Variants in NAV3 observed in about 807,000 individuals in gnomAD.
NAV3 encodes neuron navigator 3, also known as pore membrane and/or filament interacting like protein 1.
In NAV3, 87 loss-of-function variants were observed where a neutral mutation model predicts 244.7. The ratio of observed to expected loss-of-function variants is 0.36; its 90% CI spans 0.30 to 0.42. The LOEUF (loss-of-function observed/expected upper bound fraction) is 0.42, where lower values mean the gene tolerates loss of function less well. Among genes scored for constraint, NAV3 ranks in the 20% least tolerant of loss-of-function variants. NAV3 has a pLI of 1.00. For synonymous variants in NAV3, 1,126 were observed against 1,042.2 expected, an observed-to-expected ratio of 1.08 and a Z score of -1.55; for missense variants, 2,663 against 2,893.3, an observed-to-expected ratio of 0.92 and a Z score of 1.83.
intron 2 of NAV3, among the ~76,000 whole-genome samples, chr12:77,629,751 A>T (rs1459694797): frequency 6.6e-6 from 1 of 152,194 alleles, no homozygotes; most frequent in Non-Finnish European, 1.5e-5. Flanking sequence ...TACATTAGTT[A>T]AAAACTCTCC....
intron 2 of NAV3, among the ~76,000 whole-genome samples, chr12:77,621,461 C>T (rs1308485868): frequency 1.3e-5 from 2 of 149,524 alleles, no homozygotes; most frequent in African/African-American, 2.5e-5. Context: ...AACTCTACCT[C>T]TTTTTTTTCT....
chr12:77,933,078 A>G (rs1888968566), intron 1 of NAV3, among the ~76,000 whole-genome samples: 1 of 152,180 alleles, frequency 6.6e-6, no homozygotes, highest in African/African-American at 2.4e-5. Flanking sequence ...TATTTAAACT[A>G]ATTTTCTCTT....
intron 5 of NAV3, among the ~76,000 whole-genome samples, chr12:77,993,677 A>T (rs1482770558): frequency 1.4e-5 from 2 of 148,140 alleles, no homozygotes; most frequent in Admixed American, 6.8e-5. Context: ...TAGTAAACAC[A>T]TCATCATCCT....
At chr12:77,915,927 A>T (rs1887098871) in intron 1 of NAV3, among the ~76,000 whole-genome samples, 1 of 152,060 alleles carries the variant, frequency 6.6e-6, no homozygotes, top group Non-Finnish European at 1.5e-5. Flanking sequence ...TTCCAATGAG[A>T]TGAGTGAAAG....
At chr12:77,595,282 T>G (rs1870116917) in intron 2 of NAV3, among the ~76,000 whole-genome samples, 1 of 152,074 alleles carries the variant, frequency 6.6e-6, no homozygotes, top group African/African-American at 2.4e-5. Context: ...CTAAGTGCAA[T>G]AAGCCAAACA....
At chr12:77,698,712 A>C in intron 2 of NAV3, among the ~76,000 whole-genome samples, 1 of 152,190 alleles carries the variant, frequency 6.6e-6, no homozygotes, top group East Asian at 1.9e-4. Flanking sequence ...ATTACTATTT[A>C]ATGGATGAGA....
At chr12:77,615,456 G>A (rs1448837922) in intron 2 of NAV3, among the ~76,000 whole-genome samples, 1 of 152,088 alleles carries the variant, frequency 6.6e-6, no homozygotes, top group African/African-American at 2.4e-5. Context: ...ACTTACAAGT[G>A]TAGGCATGCA....
chr12:77,619,811 C>T (rs1341639122), intron 2 of NAV3, among the ~76,000 whole-genome samples: 1 of 151,502 alleles, frequency 6.6e-6, no homozygotes, highest in East Asian at 1.9e-4. Flanking sequence ...CTCAAAATGA[C>T]TTTGGAGTGA....
intron 6 of NAV3, among the ~76,000 whole-genome samples, chr12:77,997,734 A>T (rs1245665931): frequency 6.6e-6 from 1 of 152,212 alleles, no homozygotes; most frequent in African/African-American, 2.4e-5. Flanking sequence ...AAAATGAAAA[A>T]GGTTTTTTGT....
chr12:78,165,552 A>G (rs1476050447), intron 23 of NAV3, among the ~76,000 whole-genome samples: 2 of 151,890 alleles, frequency 1.3e-5, no homozygotes, highest in Admixed American at 6.6e-5. Flanking sequence ...TTGGGAATTC[A>G]TTTCTAATCA....
chr12:77,698,210 C>T (rs958068269), intron 2 of NAV3, among the ~76,000 whole-genome samples: 1 of 152,124 alleles, frequency 6.6e-6, no homozygotes, highest in Non-Finnish European at 1.5e-5. Context: ...CCATCTCATC[C>T]TGTTCCATTC....
intron 8 of NAV3, among the ~76,000 whole-genome samples, chr12:78,010,275 C>T (rs548444691): frequency 6.6e-6 from 1 of 152,248 alleles, no homozygotes; most frequent in African/African-American, 2.4e-5. Flanking sequence ...TTCTTTCTGA[C>T]TTTCACTGTT....
chr12:77,802,925 C>T (rs1049400685), intron 2 of NAV3, among the ~76,000 whole-genome samples: 3 of 152,116 alleles, frequency 2.0e-5, no homozygotes, highest in Non-Finnish European at 4.4e-5. Flanking sequence ...CCTTGGCCTC[C>T]CAAAGTGCTG....
At chr12:78,191,499 C>T (rs1427897300) in intron 34 of NAV3, among the ~76,000 whole-genome samples, 4 of 152,110 alleles carry the variant, frequency 2.6e-5, no homozygotes, top group Admixed American at 6.6e-5. Flanking sequence ...TATATGTGTC[C>T]TTCAAAAACA....
chr12:77,771,936 AT>A (rs1870112984), intron 2 of NAV3, among the ~76,000 whole-genome samples: 1 of 146,162 alleles, frequency 6.8e-6, no homozygotes, highest in African/African-American at 2.5e-5. Flanking sequence ...TTAAAAAAAA[AT>A]GTAACCATTT....
At chr12:77,892,873 A>C (rs1443885787) in intron 1 of NAV3, among the ~76,000 whole-genome samples, 1 of 152,194 alleles carries the variant, frequency 6.6e-6, no homozygotes. Flanking sequence ...AAAAAGTGAT[A>C]AATTTATGTT....
chr12:77,809,525 G>C (rs1411551101), intron 2 of NAV3, among the ~76,000 whole-genome samples: 1 of 152,184 alleles, frequency 6.6e-6, no homozygotes, highest in Non-Finnish European at 1.5e-5. Context: ...GTCCCAATGA[G>C]ATGAGTCAGG....
chr12:77,616,165 T>C (rs1871136168), intron 2 of NAV3, among the ~76,000 whole-genome samples: 1 of 151,922 alleles, frequency 6.6e-6, no homozygotes, highest in Admixed American at 6.6e-5. Context: ...CCCAGCACTT[T>C]GGAGGCCAAG....
At chr12:77,580,075 G>A (rs1161839442) in intron 2 of NAV3, among the ~76,000 whole-genome samples, 1 of 152,104 alleles carries the variant, frequency 6.6e-6, no homozygotes, top group East Asian at 1.9e-4. Flanking sequence ...CAGTGCTAGT[G>A]TTGAATGGCT....
Sources: gnomAD v4.1 joint callset for allele counts (sites outside exome capture counted in the v4.1 genomes callset) on GRCh38, gnomAD v4.1.1 for gene constraint, MANE v1.5 for transcripts, NCBI Gene and HGNC (gene_info 2026-07-23, HGNC 2026-07-21) for gene names.